The following MYO16 variants were observed in gnomAD, a reference collection of about 807,000 sequenced individuals.
MYO16 encodes the protein unconventional myosin-XVI.
Under a neutral mutation model 205.3 loss-of-function variants are expected in MYO16, and 94 were observed. The observed-to-expected ratio is 0.46, with a 90% CI of 0.39 to 0.54. The LOEUF is 0.54. Ranked by LOEUF, MYO16 falls within the 20% of genes least tolerant of loss-of-function variation. The pLI is 0.00. For missense variants in MYO16, 2,315 were observed against 2,387.5 expected, an observed-to-expected ratio of 0.97 and a Z score of 0.63; for synonymous variants, 988 against 954.0, an observed-to-expected ratio of 1.04 and a Z score of -0.66.
chr13:108,648,005 C>T (rs773533070), intron 1 of MYO16, among the ~76,000 whole-genome samples: 33 of 152,282 alleles, frequency 2.2e-4, no homozygotes, highest in Middle Eastern at 3.4e-3. Flanking sequence ...GAGATGGCCC[C>T]TGTATTCATG....
intron 2 of MYO16, among the ~76,000 whole-genome samples, chr13:108,687,440 A>G (rs1481278571): frequency 6.6e-6 from 1 of 152,150 alleles, no homozygotes; most frequent in Admixed American, 6.5e-5. Flanking sequence ...TCCAGAGCTG[A>G]TCTACCAACT....
chr13:108,769,224 C>G (rs539745474), intron 4 of MYO16, among the ~76,000 whole-genome samples: 1 of 152,050 alleles, frequency 6.6e-6, no homozygotes, highest in South Asian at 2.1e-4. Context: ...GGACGAGTGG[C>G]TCTAGGAAGA....
chr13:108,682,307 T>C (rs973414159), intron 2 of MYO16, among the ~76,000 whole-genome samples: 1 of 152,166 alleles, frequency 6.6e-6, no homozygotes, highest in East Asian at 1.9e-4. Context: ...AGTGGTTCAT[T>C]TTCTGCCTAT....
intron 15 of MYO16, among the ~76,000 whole-genome samples, chr13:108,899,342 G>A (rs978281250): frequency 2.0e-5 from 3 of 151,824 alleles, no homozygotes; most frequent in Non-Finnish European, 4.4e-5. Context: ...AGAATCACTT[G>A]AACCCAGGAG....
chr13:109,048,270 T>C, intron 24 of MYO16: 1 of 682,206 alleles, frequency 1.5e-6, no homozygotes. Flanking sequence ...AAAATCATTC[T>C]TTTATGTAAA....
rs118105449 is a variant in MYO16, at chr13:108,758,258, A to G, written c.508-27377A>G. The stretch of plus-strand genomic sequence containing the variant: ...GCTATAGTAGTCTGAATAAACTAAA[A>G]CACTTGACTATTGGGATTTTTTTGG... On this transcript the variant is annotated intron_variant, in intron 4 of 34. Transcript: ENST00000457511. Among the ~76,000 whole-genome samples, 1,005 of 152,290 alleles carry G rather than the reference A, an allele frequency of 6.6e-3. 3 individuals are homozygous for G. The highest frequency in any genetic ancestry group is 0.01 in the Non-Finnish European group (688 of 68,030).
At chr13:109,173,258 G>A (rs1878991571) in intron 33 of MYO16, among the ~76,000 whole-genome samples, 1 of 152,222 alleles carries the variant, frequency 6.6e-6, no homozygotes, top group African/African-American at 2.4e-5. Context: ...TGTGTGAACA[G>A]TGAAAATACG....
intron 33 of MYO16, among the ~76,000 whole-genome samples, chr13:109,178,275 T>C (rs1879303949): frequency 6.6e-6 from 1 of 151,998 alleles, no homozygotes; most frequent in Non-Finnish European, 1.5e-5. Flanking sequence ...CGAGATCTGT[T>C]CTCCAGCAAG....
intron 2 of MYO16, among the ~76,000 whole-genome samples, chr13:108,671,904 T>G (rs1882004414): frequency 6.6e-6 from 1 of 152,088 alleles, no homozygotes; most frequent in African/African-American, 2.4e-5. Flanking sequence ...AGGCTACAAC[T>G]CCTAATACCA....
the MYO16 span, among the ~76,000 whole-genome samples, chr13:108,495,805 C>A: frequency 6.6e-6 from 1 of 151,534 alleles, no homozygotes; most frequent in Non-Finnish European, 1.5e-5. Context: ...CCGCGCCGGC[C>A]CCGGGCACAG....
intron 14 of MYO16, 85 bp from the exon 15 acceptor site, chr13:108,897,931 A>G: frequency 9.4e-7 from 1 of 1,062,808 alleles, no homozygotes. Flanking sequence ...ACCAAGAAGT[A>G]TTATTCACTG....
In MYO16 at chr13:108,865,930, C is replaced by T. The variant is rs1419343986; in HGVS notation, c.1360-247C>T. Among the ~76,000 whole-genome samples the T allele has an allele frequency of 2.6e-5, 4 of 151,998 alleles. No individual in the cohort carries two copies. The East Asian group carries it at 7.7e-4, about 29-fold the overall frequency. On this transcript the variant is annotated intron_variant, in intron 11 of 34. Transcript: ENST00000457511. The stretch of plus-strand genomic sequence containing the variant: ...AAGAAAAGAAATTCTTAGAATTTAA[C>T]TATTTCATTTCTCTTATGTTCAGTG...
At position 108,888,314 on chromosome 13, in the gene MYO16, A is replaced by T; in HGVS notation, c.1554-58A>T. 3 of 1,242,334 alleles carry T rather than the reference A, an allele frequency of 2.4e-6. 1 individual carries two copies. The highest frequency in any genetic ancestry group is 3.4e-6 in the Non-Finnish European group (3 of 883,546). 77.0% of individuals were successfully genotyped at this position (1,242,334 alleles called of 1,614,324 possible). A position where few individuals can be genotyped will look rare whatever the true frequency, so the allele number is the denominator to read the frequency against. On this transcript the variant is annotated intron_variant, in intron 13 of 34. Coordinates refer to ENST00000457511, the MANE Select transcript of MYO16 (RefSeq NM_001198950.3). ...CAAAGTAGTTTCAAAGGAACAAAGGAACAAGCTTTGAAGCAAAGTTCCTTC... is the reference window on the plus strand; with the variant it reads ...CAAAGTAGTTTCAAAGGAACAAAGGTACAAGCTTTGAAGCAAAGTTCCTTC...
chr13:109,018,844 C>T (rs1265272224), intron 22 of MYO16, among the ~76,000 whole-genome samples: 1 of 152,194 alleles, frequency 6.6e-6, no homozygotes, highest in Non-Finnish European at 1.5e-5. Context: ...CCAACCAGTT[C>T]CAGTGAGATG....
At chr13:108,910,172 A>C in intron 16 of MYO16, 22 bp downstream of exon 16, 1 of 1,600,326 alleles carries the variant, frequency 6.2e-7, no homozygotes, top group Non-Finnish European at 8.5e-7. Context: ...AGTATTTTGT[A>C]TCTAAAAGCT....
the MYO16 span, among the ~76,000 whole-genome samples, chr13:108,578,170 A>G: frequency 6.6e-6 from 1 of 152,180 alleles, no homozygotes; most frequent in South Asian, 2.1e-4. Flanking sequence ...TTTATTCGAC[A>G]CATAAAAAGC....
chr13:108,708,533 G>C (rs1351601015), intron 2 of MYO16, among the ~76,000 whole-genome samples: 1 of 152,188 alleles, frequency 6.6e-6, no homozygotes, highest in Non-Finnish European at 1.5e-5. Context: ...TTTACCAATT[G>C]CTAACTTCTT....
At chr13:108,565,867 T>A in the MYO16 span, among the ~76,000 whole-genome samples, 1 of 152,122 alleles carries the variant, frequency 6.6e-6, no homozygotes, top group African/African-American at 2.4e-5. Context: ...TATACCCAGT[T>A]TTCTGATGGT....
intron 27 of MYO16, chr13:109,065,458 A>C: frequency 2.5e-6 from 1 of 404,372 alleles, no homozygotes; most frequent in African/African-American, 2.1e-5. Flanking sequence ...AATGTGTTGA[A>C]TAATATAAAA....
Sources: gnomAD v4.1 joint callset for allele counts (sites outside exome capture counted in the v4.1 genomes callset) on GRCh38, gnomAD v4.1.1 for gene constraint, MANE v1.5 for transcripts, NCBI Gene and HGNC (gene_info 2026-07-23, HGNC 2026-07-21) for gene names.